RIC1: variants seen among roughly 807,000 people sequenced by gnomAD.
The protein encoded by RIC1 is RIC1 partner of RAB6A GEF complex.
RIC1 carries 88 observed loss-of-function variants against 169.0 expected under a neutral mutation model. The ratio of observed to expected loss-of-function variants is 0.52; its 90% CI spans 0.44 to 0.62. RIC1 has a LOEUF of 0.62. Ranked by LOEUF, RIC1 falls within the 20% of genes least tolerant of loss-of-function variation. RIC1 has a pLI of 0.00. For missense variants in RIC1, 1,877 were observed against 1,725.5 expected (o/e 1.09, Z -1.56); for synonymous variants, 790 against 601.5 (o/e 1.31, Z -4.59).
chr9:5,734,057 AATATTATAAATATATATAATAT>A (rs940392678), intron 7 of RIC1, among the ~76,000 whole-genome samples: 1 of 147,020 alleles, frequency 6.8e-6, no homozygotes, highest in Non-Finnish European at 1.5e-5. Context: ...TATATATTTA[AATATTATAAATATATATAATAT>A]ATATTTTAAA....
In RIC1 at chr9:5,773,984, T is replaced by A; in HGVS notation, c.4010T>A (p.Ile1337Asn). Residue 1337 changes from isoleucine (I) to asparagine (N), a missense_variant, in exon 26 of 26, where the codon ATC becomes AAC. Ile to Asn is a moderately radical substitution (Grantham distance 149, BLOSUM62 -3). Coordinates refer to ENST00000414202, the MANE Select transcript of RIC1 (RefSeq NM_020829.4). ...CCTGGATATAAGCCATTTTTAAACA[T>A]CATTAAGCCACAACTGCAGAAGCTC... ...DCPGYKPFLN[I>N]IKPQLQKLSE... 1 of 1,609,992 alleles carries A rather than the reference T, an allele frequency of 6.2e-7. No homozygotes were observed. The highest frequency in any genetic ancestry group is 8.5e-7 in the Non-Finnish European group (1 of 1,178,502).
intron 2 of RIC1, among the ~76,000 whole-genome samples, chr9:5,681,784 C>T (rs541334991): frequency 1.3e-5 from 2 of 152,266 alleles, no homozygotes; most frequent in East Asian, 1.9e-4. Context: ...GTCTAAGTCT[C>T]TTTGTAGGTC....
At chr9:5,677,618 C>A (rs1028173241) in intron 2 of RIC1, among the ~76,000 whole-genome samples, 2 of 151,532 alleles carry the variant, frequency 1.3e-5, no homozygotes, top group African/African-American at 4.9e-5. Flanking sequence ...AGTGTTAGGT[C>A]TCCAACTTTG....
intron 2 of RIC1, among the ~76,000 whole-genome samples, chr9:5,679,153 G>A (rs1167400292): frequency 6.6e-6 from 1 of 152,142 alleles, no homozygotes; most frequent in East Asian, 1.9e-4. Flanking sequence ...TCAGATAGTT[G>A]TAGATATGTG....
At chr9:5,642,990 A>C (rs1290808098) in intron 1 of RIC1, among the ~76,000 whole-genome samples, 2 of 152,146 alleles carry the variant, frequency 1.3e-5, no homozygotes, top group East Asian at 3.9e-4. Context: ...AGATATTATG[A>C]AGGAATACAA....
At chr9:5,702,508 G>T (rs61157866) in intron 3 of RIC1, among the ~76,000 whole-genome samples, 3 of 131,212 alleles carry the variant, frequency 2.3e-5, no homozygotes, top group African/African-American at 3.8e-5. Context: ...CTTTTTTTTT[G>T]TTTTGTTTTG....
At chr9:5,729,085 A>T (rs1451304914) in intron 6 of RIC1, among the ~76,000 whole-genome samples, 1 of 152,038 alleles carries the variant, frequency 6.6e-6, no homozygotes, top group Non-Finnish European at 1.5e-5. Flanking sequence ...TCCTTTCTAG[A>T]GGATATATAC....
chr9:5,687,225 A>G (rs889279645), intron 2 of RIC1, among the ~76,000 whole-genome samples: 2 of 152,112 alleles, frequency 1.3e-5, no homozygotes, highest in African/African-American at 2.4e-5. Context: ...TTGCCTGATC[A>G]GTGTGACCAG....
chr9:5,703,605 G>T (rs1018831424), intron 3 of RIC1, among the ~76,000 whole-genome samples: 3 of 152,094 alleles, frequency 2.0e-5, no homozygotes, highest in African/African-American at 4.8e-5. Flanking sequence ...TTATTTAATT[G>T]CTGGATACTT....
At chr9:5,700,177 T>G (rs1586973298) in intron 3 of RIC1, among the ~76,000 whole-genome samples, 1 of 152,196 alleles carries the variant, frequency 6.6e-6, no homozygotes. Flanking sequence ...TAACCAATAC[T>G]GAGCTGGGAA....
At chr9:5,661,336 G>GA (rs1381737549) in intron 2 of RIC1, among the ~76,000 whole-genome samples, 3 of 152,092 alleles carry the variant, frequency 2.0e-5, no homozygotes, top group African/African-American at 7.2e-5. Context: ...GGTTCCATAT[G>GA]AATTTTAAAA....
At position 5,631,097 on chromosome 9, in the gene RIC1, C is replaced by A. The variant is rs7858030; in HGVS notation, c.144+1644C>A. Among the ~76,000 whole-genome samples the A allele has an allele frequency of 2.0e-5, 3 of 152,166 alleles. No individual in the cohort carries two copies. The East Asian group carries it at 5.8e-4, about 29-fold the overall frequency. On this transcript the variant is annotated intron_variant, in intron 1 of 25. Transcript: ENST00000414202. Reference sequence around the variant, plus strand: ...AAGCCTGTAAACCACTTTATTCCCCCATAAGAGAAGCATAAACATATGCTT... The same window carrying A: ...AAGCCTGTAAACCACTTTATTCCCCAATAAGAGAAGCATAAACATATGCTT...
intron 4 of RIC1, 72 bp downstream of exon 4, chr9:5,714,075 A>G (rs1823094816): frequency 6.6e-6 from 6 of 909,420 alleles, no homozygotes; most frequent in Non-Finnish European, 1.0e-5. Context: ...CCCATGACCA[A>G]CAGGAAAGTT....
In RIC1 at chr9:5,756,264, C is replaced by T. The variant is rs755632887; in HGVS notation, c.1745C>T (p.Thr582Ile). The T allele has an allele frequency of 5.0e-6, 8 of 1,603,966 alleles. No individual in the cohort carries two copies. In the South Asian group the frequency reaches 5.6e-5, roughly 11 times the overall value. Residue 582 changes from threonine (T) to isoleucine (I), a missense_variant, in exon 16 of 26, where the codon ACC (threonine) becomes ATC (isoleucine). This residue lies in a region of RIC1 where 1,104 missense variants were observed against 992.0 expected (regional missense o/e 1.11). Coordinates refer to ENST00000414202, the MANE Select transcript of RIC1 (RefSeq NM_020829.4). The stretch of plus-strand genomic sequence containing the variant: ...CTGGACAATGCCTTTGCTCATGTCA[C>T]CAAAGCACAAGCAGAAACATTACTG... ...SNLDNAFAHV[T>I]KAQAETLLLS...
chr9:5,680,929 C>G (rs1482179880), intron 2 of RIC1, among the ~76,000 whole-genome samples: 1 of 146,172 alleles, frequency 6.8e-6, no homozygotes, highest in Non-Finnish European at 1.5e-5. Flanking sequence ...CGGGTTCACG[C>G]CATTCTCCTG....
chr9:5,776,564 T>A (rs1157209420), downstream of RIC1: 2 of 152,092 alleles, frequency 1.3e-5, no homozygotes, highest in Non-Finnish European at 2.9e-5. Flanking sequence ...CAAACTTTGG[T>A]TTATTCATCA....
intron 2 of RIC1, among the ~76,000 whole-genome samples, chr9:5,682,898 C>G (rs1481912759): frequency 6.6e-6 from 1 of 152,150 alleles, no homozygotes; most frequent in Non-Finnish European, 1.5e-5. Flanking sequence ...TCTCTTCTCG[C>G]TTCATTTCAT....
intron 12 of RIC1, 96 bp downstream of exon 12, chr9:5,747,601 C>G: frequency 9.1e-7 from 1 of 1,099,368 alleles, no homozygotes; most frequent in Non-Finnish European, 1.4e-6. Flanking sequence ...CTTCAGGCAA[C>G]TGAGAATCCT....
chr9:5,677,959 T>A (rs1181833853), intron 2 of RIC1, among the ~76,000 whole-genome samples: 1 of 151,970 alleles, frequency 6.6e-6, no homozygotes, highest in African/African-American at 2.4e-5. Context: ...ATTAACTCAT[T>A]TAGCATTAGG....
Sources: gnomAD v4.1 joint callset for allele counts (sites outside exome capture counted in the v4.1 genomes callset) on GRCh38, gnomAD v4.1.1 for gene constraint, gnomAD v4.1.1 regional missense constraint, MANE v1.5 for transcripts, NCBI Gene and HGNC (gene_info 2026-07-23, HGNC 2026-07-21) for gene names.